COL6A3: variants seen among roughly 807,000 people sequenced by gnomAD.
The protein encoded by COL6A3 is collagen type VI alpha 3 chain.
Under a neutral mutation model 274.1 loss-of-function variants are expected in COL6A3, and 137 were observed. That is an observed-to-expected ratio of 0.50 (90% CI 0.44 to 0.58). The LOEUF is 0.58. COL6A3 is among the 20% of genes least tolerant of loss of function. The pLI, the probability that COL6A3 is intolerant of heterozygous loss-of-function variation, is 0.00. For missense variants in COL6A3, 3,950 were observed against 4,124.9 expected (o/e 0.96, Z 1.16); for synonymous variants, 1,650 against 1,650.6 (o/e 1.00, Z 0.01).
rs547756087 is a variant in COL6A3 at position 237,375,095 on chromosome 2, A to C, written c.3071-75T>G. 32 of 1,596,600 alleles carry C rather than the reference A, an allele frequency of 2.0e-5. 1 individual carries two copies. The South Asian group carries it at 3.3e-4, about 17-fold the overall frequency. On this transcript the variant is annotated intron_variant, in intron 7 of 43. Coordinates refer to ENST00000295550, the MANE Select transcript of COL6A3 (RefSeq NM_004369.4). ...TTCATATCAACGAGGTGGGCTGCAT[A>C]AGAGCATCACAGGGATGTCCAAGTC...
chr2:237,354,876 A>G, intron 24 of COL6A3, 23 bp downstream of exon 24: 1 of 1,611,448 alleles, frequency 6.2e-7, no homozygotes, highest in East Asian at 2.2e-5. Flanking sequence ...GAGAGTCTCC[A>G]GGGGGCACTG....
rs1337475454 is a variant in COL6A3, at chr2:237,368,499, CTT to C, written c.4900+62_4900+63del. 3 of 1,586,574 alleles carry C rather than the reference CTT, an allele frequency of 1.9e-6. No homozygotes were observed. Among genetic ancestry groups the C allele is most frequent in the Non-Finnish European group, 2.6e-6 (3 of 1,164,000 alleles). Reference sequence around the variant, plus strand: ...AATTATTAAAAATGACTACTGATTACTTTTTTAACTAAAAAAAAAATGTTGAT... The same window carrying C: ...AATTATTAAAAATGACTACTGATTACTTTTAACTAAAAAAAAAATGTTGAT... On this transcript the variant is annotated intron_variant, in intron 10 of 43. Transcript: ENST00000295550. This position sits in a 1 kb window ranked among gnomAD's most constrained non-coding sequence, Gnocchi z 4.4.
chr2:237,328,295 T>G (rs1465180674), intron 42 of COL6A3: 1 of 152,200 alleles, frequency 6.6e-6, no homozygotes, highest in Non-Finnish European at 1.5e-5. Flanking sequence ...AAGCACAATG[T>G]TAGGTTAAAA....
Position 237,359,406 on chromosome 2 carries a change from A to T in COL6A3, c.6283-18T>A. On this transcript the variant is annotated intron_variant, in intron 17 of 43. Transcript: ENST00000295550. ...CGAGAGCCCTAGAAGGCAAGGCGAT[A>T]GGGGAAGCATTAGCTTTTCCTGCAG... 6.2e-7 allele frequency: 1 copy of T among 1,613,638 alleles called. No homozygotes were observed. The highest frequency in any genetic ancestry group is 8.5e-7 in the Non-Finnish European group (1 of 1,179,868).
At position 237,377,246 on chromosome 2, in the gene COL6A3, G is replaced by C; in HGVS notation, c.2596C>G (p.Leu866Val). 6.2e-7 allele frequency: 1 copy of C among 1,611,546 alleles called. No homozygotes were observed. The change falls in exon 7 of 44, where the codon CTC (leucine) becomes GTC (valine). Residue 866 changes from leucine to valine, a missense_variant. Physicochemically the swap from Leu to Val is conservative, Grantham distance 32. Coordinates refer to ENST00000295550, the MANE Select transcript of COL6A3 (RefSeq NM_004369.4). Reference protein sequence around the residue: ...RDFLYKIIDELNVKPEGTRIA... With the variant: ...RDFLYKIIDEVNVKPEGTRIA... ...CGGGTCCCCTCTGGCTTCACATTGA[G>C]CTCATCGATAATCTTGTAGAGAAAG...
intron 26 of COL6A3, 103 bp from the exon 27 acceptor site, chr2:237,351,295 G>A (rs921349264): frequency 9.0e-7 from 1 of 1,106,022 alleles, no homozygotes; most frequent in African/African-American, 1.5e-5. Context: ...GAGCCCGCCA[G>A]GGGCATGGAA....
rs2077861594 is a variant in COL6A3 at position 237,376,970 on chromosome 2, C to T, written c.2872G>A (p.Gly958Arg). 6.2e-7 allele frequency: 1 copy of T among 1,614,120 alleles called. No individual in the cohort carries two copies. The highest frequency in any genetic ancestry group is 1.1e-5 in the South Asian group (1 of 91,088). The change falls in exon 7 of 44, where the codon GGG (glycine) becomes AGG (arginine). Residue 958 changes from glycine (G) to arginine (R), a missense_variant. Gly to Arg is a moderately radical substitution (Grantham distance 125, BLOSUM62 -2). Coordinates refer to ENST00000295550, the MANE Select transcript of COL6A3 (RefSeq NM_004369.4). ...CTCTGCTTCAGGTTACTTGCTGGCC[C>T]ATCCACACGGTCAGATGACCTTCCT... ...VAGRSSDRVD[G>R]PASNLKQSGV...
intron 42 of COL6A3, chr2:237,328,392 C>T (rs78434029): frequency 5.3e-5 from 8 of 152,256 alleles, no homozygotes; most frequent in East Asian, 1.9e-4. Flanking sequence ...AACACTGGGG[C>T]GCAAGGCACC....
intron 23 of COL6A3, 27 bp downstream of exon 23, chr2:237,357,311 G>A (rs779695071): frequency 7.5e-6 from 12 of 1,607,526 alleles, no homozygotes; most frequent in Non-Finnish European, 1.0e-5. Flanking sequence ...TTGTCACAGA[G>A]CCCCCCAAAG....
Position 237,334,814 on chromosome 2 carries a change from G to T in COL6A3, c.9041C>A (p.Pro3014His), listed in dbSNP as rs758774990. Residue 3014 changes from proline (P) to histidine (H), a missense_variant, in exon 41 of 44, where the codon CCC becomes CAC. Physicochemically the swap from Pro to His is moderately conservative, Grantham distance 77. Coordinates refer to ENST00000295550, the MANE Select transcript of COL6A3 (RefSeq NM_004369.4). ...SAKLHWERAE[P>H]PGPYFYDLTV... is the part of the protein sequence containing the mutation. The stretch of plus-strand genomic sequence containing the variant: ...GAGGTCATAAAAATAAGGACCGGGG[G>T]GCTCAGCCCTCTCCCAGTGGAGTTT... 1 of 1,614,024 alleles carries T rather than the reference G, an allele frequency of 6.2e-7. No individual in the cohort carries two copies. The highest frequency in any genetic ancestry group is 8.5e-7 in the Non-Finnish European group (1 of 1,180,040).
chr2:237,356,428 G>T (rs948655601), intron 23 of COL6A3, among the ~76,000 whole-genome samples: 6 of 152,080 alleles, frequency 3.9e-5, no homozygotes, highest in African/African-American at 1.4e-4. Context: ...ATTTTCTTCT[G>T]AATTTTCAAA....
At chr2:237,399,560 C>T (rs1430313131) in intron 1 of COL6A3, among the ~76,000 whole-genome samples, 3 of 152,222 alleles carry the variant, frequency 2.0e-5, no homozygotes, top group African/African-American at 7.2e-5. Context: ...CCATGAGCAA[C>T]GCAGTTTGGA....
intron 6 of COL6A3, among the ~76,000 whole-genome samples, chr2:237,377,632 A>G (rs534267672): frequency 2.1e-4 from 32 of 152,330 alleles, no homozygotes; most frequent in Non-Finnish European, 2.6e-4. Context: ...GTGTTCTTAC[A>G]TCAGGTGGCA....
chr2:237,325,933 T>C (rs1435787863), intron 42 of COL6A3: 1 of 500,424 alleles, frequency 2.0e-6, no homozygotes, highest in African/African-American at 1.9e-5. Context: ...GAGAGATAGA[T>C]GAAATTATAT....
At position 237,371,442 on chromosome 2, in the gene COL6A3, C is replaced by CA. The variant is rs1444449221; in HGVS notation, c.4285+289dup. On this transcript the variant is annotated intron_variant, in intron 9 of 43. Transcript: ENST00000295550. The surrounding 1 kb of genome is among the most constrained non-coding windows in gnomAD (Gnocchi z 4.3). The stretch of plus-strand genomic sequence containing the variant: ...TGAAACCCCGTCTCCACAAAAAATA[C>CA]AAAAAATTAGCCGGGCGTGGTGGTA... 1.3e-5 allele frequency among the ~76,000 whole-genome samples: 2 copies of CA among 152,096 alleles called. No individual in the cohort carries two copies. Among genetic ancestry groups the CA allele is most frequent in the Admixed American group, 6.5e-5 (1 of 15,286 alleles).
Position 237,378,953 on chromosome 2 carries a change from T to G in COL6A3, c.2180A>C (p.Tyr727Ser), listed in dbSNP as rs113393241. ...LNTGSALSYV[Y>S]ANHFTEAGGS... Reference sequence around the variant, plus strand: ...GCCAGCTTCCGTGAAGTGGTTGGCATAGACATAGCTTAGGGCTGAGCCTGT... The same window carrying G: ...GCCAGCTTCCGTGAAGTGGTTGGCAGAGACATAGCTTAGGGCTGAGCCTGT... Residue 727 changes from tyrosine (Y) to serine (S), a missense_variant, in exon 6 of 44, where the codon TAT (tyrosine) becomes TCT (serine). Physicochemically the swap from Tyr to Ser is moderately radical, Grantham distance 144. Coordinates refer to ENST00000295550, the MANE Select transcript of COL6A3 (RefSeq NM_004369.4). The G allele has an allele frequency of 8.7e-5, 140 of 1,614,086 alleles. No homozygotes were observed. Among genetic ancestry groups the G allele is most frequent in the Non-Finnish European group, 1.1e-4 (135 of 1,180,048 alleles).
rs756659759 is a variant in COL6A3 at position 237,361,491 on chromosome 2, G to T, written c.6156+248C>A. Among the ~76,000 whole-genome samples, 1 of 152,194 alleles carries T rather than the reference G, an allele frequency of 6.6e-6. No individual in the cohort carries two copies. The highest frequency in any genetic ancestry group is 1.5e-5 in the Non-Finnish European group (1 of 68,052). The stretch of plus-strand genomic sequence containing the variant: ...ATTATTTTATGAAATGAAGGACCAA[G>T]CTGTTAAAGCACAGATCCCCTTATC... On this transcript the variant is annotated intron_variant, in intron 15 of 43. Coordinates refer to ENST00000295550, the MANE Select transcript of COL6A3 (RefSeq NM_004369.4). This position sits in a 1 kb window ranked among gnomAD's most constrained non-coding sequence, Gnocchi z 5.1.
At chr2:237,379,282 G>A in intron 5 of COL6A3, 47 bp from the exon 6 acceptor site, 1 of 1,613,300 alleles carries the variant, frequency 6.2e-7, no homozygotes, top group South Asian at 1.1e-5. Context: ...CAACCACGGA[G>A]AGTTTTATCA....
chr2:237,333,000 G>A (rs146348057), intron 42 of COL6A3: 54 of 266,556 alleles, frequency 2.0e-4, no homozygotes, highest in African/African-American at 8.9e-4. Flanking sequence ...TAGGATGTCC[G>A]GACCAGAACA....
Sources: gnomAD v4.1 joint callset for allele counts (sites outside exome capture counted in the v4.1 genomes callset) on GRCh38, gnomAD v4.1.1 for gene constraint, Gnocchi (gnomAD v3.1) non-coding constraint, MANE v1.5 for transcripts, NCBI Gene and HGNC (gene_info 2026-07-23, HGNC 2026-07-21) for gene names.